PXDN: variants seen among roughly 807,000 people sequenced by gnomAD.
PXDN encodes the protein peroxidasin homolog.
A neutral mutation model predicts 140.3 loss-of-function variants in PXDN; 77 were observed. The observed-to-expected ratio is 0.55, with a 90% CI of 0.46 to 0.66. PXDN has a LOEUF of 0.66. Ranked by LOEUF, PXDN falls within the 30% of genes least tolerant of loss-of-function variation. PXDN has a pLI of 0.00. For synonymous variants in PXDN, 911 were observed against 857.4 expected (o/e 1.06, Z -1.09); for missense variants, 1,838 against 2,039.5 (o/e 0.90, Z 1.90).
In PXDN at chr2:1,636,494, T is replaced by C. The variant is rs563684997; in HGVS notation, c.4207-973A>G. 4 of 152,190 alleles carry C rather than the reference T, an allele frequency of 2.6e-5. No homozygotes were observed. In the South Asian group the frequency reaches 8.3e-4, roughly 32 times the overall value. The allele number at this position is 152,190 out of a possible 1,614,324, so 9.4% of individuals were successfully genotyped here. On this transcript the variant is annotated intron_variant, in intron 21 of 22. Transcript: ENST00000252804. Reference sequence around the variant, plus strand: ...TATGCACACATCATGCTGAAAAAGGTGGACGTCCCCTCACCGTACCATCTG... The same window carrying C: ...TATGCACACATCATGCTGAAAAAGGCGGACGTCCCCTCACCGTACCATCTG...
intron 7 of PXDN, 122 bp downstream of exon 7, chr2:1,680,071 G>A (rs1683852116): frequency 4.9e-6 from 6 of 1,236,250 alleles, no homozygotes; most frequent in Non-Finnish European, 6.6e-6. Context: ...TCTATAAATG[G>A]TGTGTGTGTA....
Position 1,660,751 on chromosome 2 carries a change from G to A in PXDN, c.1837+130C>T. 1.6e-6 allele frequency: 2 copies of A among 1,227,412 alleles called. No individual in the cohort carries two copies. The highest frequency in any genetic ancestry group is 2.2e-6 in the Non-Finnish European group (2 of 906,486). The allele number at this position is 1,227,412 out of a possible 1,614,324, so 76.0% of individuals were successfully genotyped here. A position where few individuals can be genotyped will look rare whatever the true frequency, so the allele number is the denominator to read the frequency against. The stretch of plus-strand genomic sequence containing the variant: ...TGCATCAGGAGAGTGTCCCCACCTG[G>A]GAATCAAGGGTGCTTTGTCTTCTGA... On this transcript the variant is annotated intron_variant, in intron 14 of 22. Transcript: ENST00000252804. This position sits in a 1 kb window ranked among gnomAD's most constrained non-coding sequence, Gnocchi z 4.6.
rs536422671 is a variant in PXDN at position 1,637,290 on chromosome 2, C to T, written c.4206+1556G>A. Among the ~76,000 whole-genome samples, 98 of 152,350 alleles carry T rather than the reference C, an allele frequency of 6.4e-4. 1 individual carries two copies. Among genetic ancestry groups the T allele is most frequent in the Non-Finnish European group, 7.8e-4 (53 of 68,028 alleles). The stretch of plus-strand genomic sequence containing the variant: ...AGCCTGGGTTTGTCTCTGCTTCTCT[C>T]CTAGTGCCAGGTGGAGCTGAGTGAA... On this transcript the variant is annotated intron_variant, in intron 21 of 22. Transcript: ENST00000252804.
chr2:1,743,780 C>G, intron 1 of PXDN, among the ~76,000 whole-genome samples: 1 of 76,372 alleles, frequency 1.3e-5, no homozygotes, highest in East Asian at 3.9e-4. Flanking sequence ...GCGGAGGGGG[C>G]TGGGAGGACG....
intron 19 of PXDN, among the ~76,000 whole-genome samples, chr2:1,640,595 C>A (rs1682702428): frequency 6.6e-6 from 1 of 152,228 alleles, no homozygotes; most frequent in Admixed American, 6.5e-5. Flanking sequence ...TCTGAGTAAA[C>A]CCAGCTGGCT....
At chr2:1,734,673 T>C (rs1685390829) in intron 1 of PXDN, among the ~76,000 whole-genome samples, 1 of 152,062 alleles carries the variant, frequency 6.6e-6, no homozygotes, top group African/African-American at 2.4e-5. Flanking sequence ...CTGAGACTGT[T>C]CTGGCCAACA....
At chr2:1,634,474 C>T (rs945753650) in intron 22 of PXDN, among the ~76,000 whole-genome samples, 151 bp from the exon 23 acceptor site, 1 of 152,240 alleles carries the variant, frequency 6.6e-6, no homozygotes, top group African/African-American at 2.4e-5. Context: ...GCCCTGTGGG[C>T]ATGGATTTTG....
Position 1,687,697 on chromosome 2 carries a change from C to T in PXDN, c.351G>A (p.Leu117=). 6.6e-7 allele frequency: 1 copy of T among 1,518,650 alleles called. No individual in the cohort carries two copies. Among genetic ancestry groups the T allele is most frequent in the Non-Finnish European group, 9.1e-7 (1 of 1,098,116 alleles). 94.1% of individuals were successfully genotyped at this position (1,518,650 alleles called of 1,614,324 possible). The change falls in exon 4 of 23, where the codon CTG becomes CTA. Residue 117 remains leucine, a synonymous_variant. Transcript: ENST00000252804. The surrounding 1 kb of genome is among the most constrained non-coding windows in gnomAD (Gnocchi z 4.0). ...CAATTGACTGGATCTCATTCTTGTA[C>T]AGATAGCTGAAACAAGAAACATTGG... The part of the protein sequence containing the change: ...EDLENLKYLY[L]YKNEIQSIDR...
chr2:1,647,572 G>A (rs946681630), intron 17 of PXDN, among the ~76,000 whole-genome samples: 15 of 152,304 alleles, frequency 9.8e-5, no homozygotes, highest in African/African-American at 2.9e-4. Context: ...AAGGAGAACC[G>A]CACCCACAGG....
At chr2:1,668,603 C>CAAA (rs144731732) in intron 9 of PXDN, among the ~76,000 whole-genome samples, 4 of 136,252 alleles carry the variant, frequency 2.9e-5, no homozygotes, top group South Asian at 2.3e-4. Flanking sequence ...AACAAATTTA[C>CAAA]AAAAAAAAAA....
chr2:1,669,440 C>G (rs111877538), intron 9 of PXDN, among the ~76,000 whole-genome samples: 2 of 152,294 alleles, frequency 1.3e-5, no homozygotes, highest in African/African-American at 4.8e-5. Context: ...GCACATTCAG[C>G]ACATATATCC....
rs777943871 is a variant in PXDN, at chr2:1,664,989, G to A, written c.1377C>T (p.Asn459=). 1.2e-6 allele frequency: 2 copies of A among 1,612,424 alleles called. No homozygotes were observed. The highest frequency in any genetic ancestry group is 1.7e-6 in the Non-Finnish European group (2 of 1,179,150). The change falls in exon 11 of 23, where the codon AAC becomes AAT. Residue 459 remains asparagine, a synonymous_variant. Coordinates refer to ENST00000252804, the MANE Select transcript of PXDN (RefSeq NM_012293.3). ...TVDFQCEAKG[N]PPPVIAWTKG... The stretch of plus-strand genomic sequence containing the variant: ...TGGTCCAGGCGATGACGGGCGGCGG[G>A]TTGCCCTTGGCTTCACACTGGAAAT...
chr2:1,744,602 C>T (rs1400538771), upstream of PXDN: 7 of 669,096 alleles, frequency 1.0e-5, no homozygotes, highest in African/African-American at 1.9e-5. Flanking sequence ...CTCCCGGCCC[C>T]TCTGAATCCC....
rs774824301 is a variant in PXDN at position 1,648,432 on chromosome 2, C to G, written c.3348G>C (p.Pro1116=). 17 of 1,610,736 alleles carry G rather than the reference C, an allele frequency of 1.1e-5. No homozygotes were observed. The Admixed American group carries it at 2.3e-4, about 22-fold the overall frequency. The change falls in exon 17 of 23, where the codon CCG becomes CCC. Residue 1116 remains proline (P), a synonymous_variant. Transcript: ENST00000252804. This position sits in a 1 kb window ranked among gnomAD's most constrained non-coding sequence, Gnocchi z 8.9. ...FRIVNEGGID[P]LLRGLFGVAG... ...CCACCCCGAACAGCCCCCTGAGAAG[C>G]GGATCGATGCCGCCCTCATTCACAA...
chr2:1,683,272 T>C (rs188996035), intron 6 of PXDN, among the ~76,000 whole-genome samples: 171 of 150,846 alleles, frequency 1.1e-3, no homozygotes, highest in African/African-American at 4.0e-3. Context: ...ATTACAAAAC[T>C]TAGCTGGGCA....
At chr2:1,677,976 C>T (rs939639563) in intron 7 of PXDN, among the ~76,000 whole-genome samples, 1 of 152,154 alleles carries the variant, frequency 6.6e-6, no homozygotes, top group Non-Finnish European at 1.5e-5. Context: ...CCATTCTGCC[C>T]GGCAACCAAA....
At chr2:1,686,455 A>T (rs898452776) in intron 4 of PXDN, among the ~76,000 whole-genome samples, 1 of 152,136 alleles carries the variant, frequency 6.6e-6, no homozygotes, top group African/African-American at 2.4e-5. Context: ...CTTAAAAATA[A>T]CACTGGACTC....
Position 1,634,206 on chromosome 2 carries a change from A to G in PXDN, c.4438T>C (p.Ter1480GlnextTer68). The G allele has an allele frequency of 6.3e-7, 1 of 1,577,742 alleles. No homozygotes were observed. Among genetic ancestry groups the G allele is most frequent in the Non-Finnish European group, 8.6e-7 (1 of 1,161,290 alleles). The stretch of plus-strand genomic sequence containing the variant: ...ACTCTGAGGAGCCTCCCAGGAGCCT[A>G]GGGCTTTTCCTCCGCCCTCTTCTGT... ...CLQKRAEEKP* is the reference protein window; with the variant it reads ...CLQKRAEEKPQ Residue 1480 changes from the stop codon to glutamine (Q), a stop_lost, in exon 23 of 23, where the codon TAG becomes CAG. Coordinates refer to ENST00000252804, the MANE Select transcript of PXDN (RefSeq NM_012293.3).
intron 9 of PXDN, 37 bp from the exon 10 acceptor site, chr2:1,666,523 C>A (rs758109764): frequency 1.9e-6 from 3 of 1,555,616 alleles, no homozygotes; most frequent in Non-Finnish European, 2.6e-6. Flanking sequence ...ATTAATTTCT[C>A]CCGGTTTGAC....
Sources: allele counts gnomAD v4.1 joint callset (sites outside exome capture counted in the v4.1 genomes callset), GRCh38; gene constraint gnomAD v4.1.1; non-coding constraint Gnocchi (gnomAD v3.1); transcripts MANE v1.5; gene names NCBI Gene and HGNC (gene_info 2026-07-23, HGNC 2026-07-21).